GALNTL6: variants seen among roughly 807,000 people sequenced by gnomAD.
GALNTL6 encodes the protein polypeptide N-acetylgalactosaminyltransferase-like 6.
A neutral mutation model predicts 73.7 loss-of-function variants in GALNTL6; 46 were observed. The observed-to-expected ratio is 0.62, with a 90% confidence interval of 0.49 to 0.80. The LOEUF (loss-of-function observed/expected upper bound fraction) is 0.80, where lower values mean the gene tolerates loss of function less well. GALNTL6 is among the 30% of genes least tolerant of loss of function. The pLI is 0.00. For synonymous variants in GALNTL6, 259 were observed against 263.7 expected (o/e 0.98, Z 0.17); for missense variants, 604 against 755.0 (o/e 0.80, Z 2.34).
intron 5 of GALNTL6, among the ~76,000 whole-genome samples, chr4:172,790,150 C>G (rs543078927): frequency 3.6e-4 from 55 of 152,222 alleles, no homozygotes; most frequent in Non-Finnish European, 7.1e-4. Context: ...TCCAGGGCGT[C>G]TGCAGAAAAA....
chr4:172,203,348 C>T (rs1439042388), intron 2 of GALNTL6, among the ~76,000 whole-genome samples: 3 of 152,162 alleles, frequency 2.0e-5, no homozygotes, highest in African/African-American at 7.2e-5. Flanking sequence ...GGTAAAAATA[C>T]TTGTCAAATT....
intron 2 of GALNTL6, among the ~76,000 whole-genome samples, chr4:172,161,799 A>G (rs1433270828): frequency 6.6e-6 from 1 of 152,042 alleles, no homozygotes; most frequent in Non-Finnish European, 1.5e-5. Context: ...AGGATACCAG[A>G]ATATGATCAG....
intron 7 of GALNTL6, among the ~76,000 whole-genome samples, chr4:172,857,457 G>A (rs778912079): frequency 6.6e-6 from 1 of 152,126 alleles, no homozygotes; most frequent in Non-Finnish European, 1.5e-5. Context: ...TGGAAAAAAG[G>A]CCTATTTTAT....
intron 2 of GALNTL6, among the ~76,000 whole-genome samples, chr4:171,868,786 A>G (rs1253720721): frequency 6.6e-6 from 1 of 151,874 alleles, no homozygotes; most frequent in African/African-American, 2.4e-5. Context: ...GGTTCAAGCG[A>G]TTCTCCTGCT....
At chr4:172,795,296 G>A (rs1333206762) in intron 5 of GALNTL6, among the ~76,000 whole-genome samples, 1 of 152,154 alleles carries the variant, frequency 6.6e-6, no homozygotes, top group Non-Finnish European at 1.5e-5. Context: ...AATAGAGAGG[G>A]TGGCCTTGTG....
At chr4:171,974,970 G>C (rs1034226422) in intron 2 of GALNTL6, among the ~76,000 whole-genome samples, 2 of 151,998 alleles carry the variant, frequency 1.3e-5, no homozygotes, top group African/African-American at 2.4e-5. Flanking sequence ...ATTTTTTGTA[G>C]GCTTTATAAT....
At chr4:172,420,981 G>C (rs1490024900) in intron 5 of GALNTL6, among the ~76,000 whole-genome samples, 1 of 151,950 alleles carries the variant, frequency 6.6e-6, no homozygotes, top group Non-Finnish European at 1.5e-5. Flanking sequence ...ATGGACACGG[G>C]GAGGGGAACC....
At chr4:171,931,708 T>C (rs1738190785) in intron 2 of GALNTL6, among the ~76,000 whole-genome samples, 1 of 152,212 alleles carries the variant, frequency 6.6e-6, no homozygotes, top group Non-Finnish European at 1.5e-5. Context: ...CTAGATGTTA[T>C]AACATGATAG....
intron 4 of GALNTL6, among the ~76,000 whole-genome samples, chr4:172,344,464 A>G (rs1741673465): frequency 6.6e-6 from 1 of 152,314 alleles, no homozygotes; most frequent in East Asian, 1.9e-4. Context: ...TGAAAATCAG[A>G]TCTGCACCCT....
chr4:171,856,321 G>A (rs897137872), intron 2 of GALNTL6, among the ~76,000 whole-genome samples: 3 of 150,940 alleles, frequency 2.0e-5, no homozygotes, highest in Non-Finnish European at 4.4e-5. Context: ...TGCCATGTTG[G>A]CCAGGTTGGT....
chr4:172,493,553 G>C (rs1437745029), intron 5 of GALNTL6, among the ~76,000 whole-genome samples: 1 of 152,034 alleles, frequency 6.6e-6, no homozygotes, highest in Admixed American at 6.6e-5. Context: ...TTGGTACCAG[G>C]TTTAACCGAC....
chr4:172,441,437 G>T (rs1478490199), intron 5 of GALNTL6, among the ~76,000 whole-genome samples: 2 of 152,078 alleles, frequency 1.3e-5, no homozygotes, highest in Admixed American at 6.6e-5. Context: ...GTCATTCACA[G>T]AATTAAGCAT....
At chr4:172,994,597 G>T (rs930600473) in intron 10 of GALNTL6, among the ~76,000 whole-genome samples, 40 of 152,286 alleles carry the variant, frequency 2.6e-4, no homozygotes, top group Non-Finnish European at 1.0e-4. Flanking sequence ...CCCTTAAAGA[G>T]CCAAGTCATC....
intron 5 of GALNTL6, among the ~76,000 whole-genome samples, chr4:172,370,785 CA>C (rs1034688981): frequency 2.6e-5 from 4 of 152,068 alleles, no homozygotes; most frequent in African/African-American, 9.7e-5. Context: ...CCTTTCTCAG[CA>C]GGGGGGAGGT....
chr4:172,124,614 G>C (rs1178289503), intron 2 of GALNTL6, among the ~76,000 whole-genome samples: 1 of 152,014 alleles, frequency 6.6e-6, no homozygotes, highest in Non-Finnish European at 1.5e-5. Flanking sequence ...AGGCAACAAA[G>C]GAAATTATCT....
intron 7 of GALNTL6, among the ~76,000 whole-genome samples, chr4:172,825,995 A>G (rs915492948): frequency 5.3e-5 from 8 of 152,208 alleles, no homozygotes; most frequent in Non-Finnish European, 1.0e-4. Context: ...ATTGTAGCAT[A>G]TGGAGCAGGT....
intron 5 of GALNTL6, among the ~76,000 whole-genome samples, chr4:172,593,452 G>A (rs1489895996): frequency 6.6e-6 from 1 of 152,148 alleles, no homozygotes; most frequent in African/African-American, 2.4e-5. Flanking sequence ...GGACATGTTA[G>A]GATCATCGGT....
chr4:172,594,868 G>A (rs1357415819), intron 5 of GALNTL6, among the ~76,000 whole-genome samples: 1 of 152,130 alleles, frequency 6.6e-6, no homozygotes, highest in Non-Finnish European at 1.5e-5. Flanking sequence ...GTCTCAGTCT[G>A]TTCTAGCTGC....
intron 5 of GALNTL6, chr4:172,667,022 C>A (rs1028049949): frequency 6.6e-6 from 1 of 152,192 alleles, no homozygotes; most frequent in Non-Finnish European, 1.5e-5. Flanking sequence ...GCTATTCCCA[C>A]CAAGTTTAGC....
Sources: gnomAD v4.1 joint callset for allele counts (sites outside exome capture counted in the v4.1 genomes callset) on GRCh38, gnomAD v4.1.1 for gene constraint, MANE v1.5 for transcripts, NCBI Gene and HGNC (gene_info 2026-07-23, HGNC 2026-07-21) for gene names.